Variants in UBXN2B observed in about 807,000 individuals in gnomAD.
The protein encoded by UBXN2B is UBX domain-containing protein 2B.
UBXN2B carries 19 observed loss-of-function variants against 37.5 expected under a neutral mutation model. The observed-to-expected ratio is 0.51, with a 90% CI of 0.35 to 0.74. The LOEUF (loss-of-function observed/expected upper bound fraction) is 0.74, where lower values mean the gene tolerates loss of function less well. Ranked by LOEUF, UBXN2B falls within the 30% of genes least tolerant of loss-of-function variation. UBXN2B has a pLI of 0.01. For missense variants in UBXN2B, 370 were observed against 393.2 expected, an observed-to-expected ratio of 0.94 and a Z score of 0.50; for synonymous variants, 145 against 143.8, an observed-to-expected ratio of 1.01 and a Z score of -0.06.
intron 2 of UBXN2B, among the ~76,000 whole-genome samples, chr8:58,423,522 G>A (rs548504478): frequency 8.0e-5 from 12 of 150,502 alleles, no homozygotes; most frequent in African/African-American, 2.4e-4. Flanking sequence ...TGCAAGCTCC[G>A]CCTCCTGGGT....
intron 5 of UBXN2B, chr8:58,434,960 G>A (rs1001064104): frequency 4.6e-6 from 7 of 1,535,256 alleles, no homozygotes; most frequent in Non-Finnish European, 6.1e-6. Flanking sequence ...TTAGTTTGAA[G>A]TTATAATTTG....
chr8:58,435,229 C>A (rs1808381921), intron 5 of UBXN2B: 1 of 846,744 alleles, frequency 1.2e-6, no homozygotes, highest in Non-Finnish European at 1.5e-6. Context: ...GTTATATATA[C>A]AGGGTTATAC....
Position 58,434,488 on chromosome 8 carries a change from G to A in UBXN2B, c.517G>A (p.Glu173Lys). Residue 173 changes from glutamate (E) to lysine (K), a missense_variant, in exon 5 of 8, where the codon GAG (glutamate) becomes AAG (lysine). By Grantham distance (56) the Glu-to-Lys change is moderately conservative. Around this residue, in one of 3 missense-constraint regions of UBXN2B, gnomAD observed 90 missense variants for 139.4 expected, o/e 0.65. Transcript: ENST00000399598. ...YNEPTNAQFL[E>K]SVKRGEIPLE... ...TGAACCAACAAATGCTCAATTTCTG[G>A]AGTCTGTTAAGAGAGGGTAAGATGT... is the stretch of plus-strand genomic sequence containing the variant. 5.1e-6 allele frequency: 8 copies of A among 1,555,782 alleles called. No individual in the cohort carries two copies. The highest frequency in any genetic ancestry group is 6.1e-6 in the Non-Finnish European group (7 of 1,153,234).
chr8:58,450,552 G>A lies in UBXN2B; in HGVS notation c.*3001G>A, dbSNP rs761790191. 1 of 152,170 alleles carries A rather than the reference G, an allele frequency of 6.6e-6. No individual in the cohort carries two copies. Among genetic ancestry groups the A allele is most frequent in the East Asian group, 1.9e-4 (1 of 5,202 alleles). 9.4% of individuals were successfully genotyped at this position (152,170 alleles called of 1,614,324 possible). ...TGCTCCTTTCTTCAAGGCCGCCCTA[G>A]CATTAACATTCCATATTTCTACTAA... On this transcript the variant is annotated 3_prime_UTR_variant, in exon 8 of 8. Transcript: ENST00000399598.
intron 2 of UBXN2B, chr8:58,425,593 A>G (rs563392154): frequency 9.5e-7 from 1 of 1,055,294 alleles, no homozygotes; most frequent in East Asian, 2.4e-5. Context: ...GTAGAGAAGT[A>G]TGCACTCCTG....
In UBXN2B at chr8:58,450,750, A is replaced by C. The variant is rs1808784023; in HGVS notation, c.*3199A>C. 1.3e-5 allele frequency: 2 copies of C among 152,324 alleles called. No individual in the cohort carries two copies. The highest frequency in any genetic ancestry group is 1.9e-4 in the East Asian group (1 of 5,184). The allele number at this position is 152,324 out of a possible 1,614,324, so 9.4% of individuals were successfully genotyped here. A position where few individuals can be genotyped will look rare whatever the true frequency, so the allele number is the denominator to read the frequency against. Reference sequence around the variant, plus strand: ...CCTGCTTCTCTGCCAGATGACTTGAATATGGTACTAGATTTGGAATTCACC... The same window carrying C: ...CCTGCTTCTCTGCCAGATGACTTGACTATGGTACTAGATTTGGAATTCACC... On this transcript the variant is annotated 3_prime_UTR_variant, in exon 8 of 8. Transcript: ENST00000399598.
At chr8:58,442,238 A>G (rs1249327793) in intron 6 of UBXN2B, among the ~76,000 whole-genome samples, 1 of 152,228 alleles carries the variant, frequency 6.6e-6, no homozygotes, top group African/African-American at 2.4e-5. Flanking sequence ...TAGTAGAAGG[A>G]GATAGCATGA....
intron 2 of UBXN2B, among the ~76,000 whole-genome samples, chr8:58,420,730 A>G (rs1246695920): frequency 6.6e-6 from 1 of 152,230 alleles, no homozygotes; most frequent in Non-Finnish European, 1.5e-5. Flanking sequence ...GATATACAGC[A>G]AAGTTATATG....
intron 5 of UBXN2B, among the ~76,000 whole-genome samples, chr8:58,437,792 A>T (rs1178664778): frequency 6.6e-6 from 1 of 152,252 alleles, no homozygotes; most frequent in Non-Finnish European, 1.5e-5. Context: ...GCTATGTAGT[A>T]GAGAAGGAGA....
At chr8:58,441,480 G>A (rs1437177233) in intron 6 of UBXN2B, among the ~76,000 whole-genome samples, 1 of 151,424 alleles carries the variant, frequency 6.6e-6, no homozygotes, top group African/African-American at 2.4e-5. Flanking sequence ...TTTTTAATTA[G>A]AATGCAGATA....
At chr8:58,425,511 A>G (rs1385433488) in intron 2 of UBXN2B, 52 of 1,097,418 alleles carry the variant, frequency 4.7e-5, no homozygotes, top group Non-Finnish European at 7.0e-5. Context: ...CAACCCTGGT[A>G]TGATCAAAGG....
At chr8:58,426,027 G>A (rs1808074415) in intron 2 of UBXN2B, 1 of 1,410,942 alleles carries the variant, frequency 7.1e-7, no homozygotes, top group African/African-American at 1.4e-5. Context: ...AGGTGTCCCT[G>A]AAACCACCTT....
chr8:58,423,814 C>T (rs1353090009), intron 2 of UBXN2B, among the ~76,000 whole-genome samples: 1 of 151,738 alleles, frequency 6.6e-6, no homozygotes, highest in Admixed American at 6.6e-5. Flanking sequence ...AAACACTGGT[C>T]ATTCATAGAT....
intron 2 of UBXN2B, among the ~76,000 whole-genome samples, chr8:58,421,081 A>G (rs1171224343): frequency 6.6e-6 from 1 of 152,218 alleles, no homozygotes; most frequent in Admixed American, 6.5e-5. Context: ...AAACCTTTCC[A>G]CATCCCCCTG....
chr8:58,430,571 A>G lies in UBXN2B; in HGVS notation c.241A>G (p.Thr81Ala). The change falls in exon 3 of 8, where the codon ACT becomes GCT. Residue 81 changes from threonine (T) to alanine (A), a missense_variant. By Grantham distance (58) the Thr-to-Ala change is moderately conservative. This residue lies in a region of UBXN2B where 197 missense variants were observed against 170.2 expected (regional missense o/e 1.16). Transcript: ENST00000399598. ...TGGATTAAATATAGTTCGACCTTCA[A>G]CTGGGAAAATTGTGAATGAACTTTT... ...YSGLNIVRPS[T>A]GKIVNELFKE... is the part of the protein sequence containing the mutation. 1 of 1,606,788 alleles carries G rather than the reference A, an allele frequency of 6.2e-7. No homozygotes were observed. Among genetic ancestry groups the G allele is most frequent in the Non-Finnish European group, 8.5e-7 (1 of 1,175,924 alleles).
At chr8:58,411,558 C>T in intron 1 of UBXN2B, 89 bp downstream of exon 1, 1 of 1,081,892 alleles carries the variant, frequency 9.2e-7, no homozygotes, top group East Asian at 3.2e-5. Flanking sequence ...CACCTCTGGC[C>T]TCGGCGGAGC....
At chr8:58,416,765 A>T in intron 1 of UBXN2B, 85 bp from the exon 2 acceptor site, 1 of 1,121,052 alleles carries the variant, frequency 8.9e-7, no homozygotes, top group Non-Finnish European at 1.2e-6. Flanking sequence ...CTCAATTTTA[A>T]GTTAGTGTTC....
chr8:58,442,155 G>A (rs1052281604), intron 6 of UBXN2B, among the ~76,000 whole-genome samples: 3 of 152,130 alleles, frequency 2.0e-5, no homozygotes, highest in African/African-American at 7.2e-5. Flanking sequence ...TGTTTGTTTG[G>A]TGGAAGGGTA....
chr8:58,443,437 G>T (rs1808597676), intron 6 of UBXN2B, among the ~76,000 whole-genome samples: 2 of 151,878 alleles, frequency 1.3e-5, no homozygotes, highest in Non-Finnish European at 2.9e-5. Flanking sequence ...TTGATCAATT[G>T]AATGATAGGG....
Sources: gnomAD v4.1 joint callset for allele counts (sites outside exome capture counted in the v4.1 genomes callset) on GRCh38, gnomAD v4.1.1 for gene constraint, gnomAD v4.1.1 regional missense constraint, MANE v1.5 for transcripts, NCBI Gene and HGNC (gene_info 2026-07-23, HGNC 2026-07-21) for gene names.